Variants in CLYBL observed in about 807,000 individuals in gnomAD.
The protein encoded by CLYBL is citramalyl-CoA lyase, mitochondrial.
A neutral mutation model predicts 38.9 loss-of-function variants in CLYBL; 31 were observed. That is an observed-to-expected ratio of 0.80 (90% CI 0.60 to 1.08). The LOEUF (loss-of-function observed/expected upper bound fraction) is 1.08. Ranked by LOEUF, CLYBL falls within the 50% of genes least tolerant of loss-of-function variation. The probability of loss-of-function intolerance (pLI) is 0.00; values close to 1 mark genes in which losing one functional copy is unlikely to be tolerated. For missense variants in CLYBL, 434 were observed against 411.6 expected, an observed-to-expected ratio of 1.05 and a Z score of -0.47; for synonymous variants, 171 against 158.6, an observed-to-expected ratio of 1.08 and a Z score of -0.59.
chr13:99,727,315 C>T (rs752039873), intron 1 of CLYBL: 3 of 152,016 alleles, frequency 2.0e-5, no homozygotes, highest in Non-Finnish European at 4.4e-5. Flanking sequence ...GTTGCTTTTC[C>T]ACAGAATTGG....
intron 1 of CLYBL, among the ~76,000 whole-genome samples, chr13:99,674,402 G>A (rs778522745): frequency 7.9e-5 from 12 of 151,780 alleles, no homozygotes; most frequent in Non-Finnish European, 1.6e-4. Context: ...TGCCCATCTC[G>A]GCCTCCCAAA....
At chr13:99,610,010 C>T (rs2046601979) in intron 1 of CLYBL, among the ~76,000 whole-genome samples, 1 of 152,214 alleles carries the variant, frequency 6.6e-6, no homozygotes, top group African/African-American at 2.4e-5. Flanking sequence ...TCAAGTGATC[C>T]TCCTGCCTCA....
At chr13:99,709,198 G>A (rs1257935234) in intron 1 of CLYBL, among the ~76,000 whole-genome samples, 2 of 152,152 alleles carry the variant, frequency 1.3e-5, no homozygotes, top group African/African-American at 2.4e-5. Flanking sequence ...GACATGCATA[G>A]AGGGACAATG....
chr13:99,745,700 A>G (rs1028797352), intron 1 of CLYBL, among the ~76,000 whole-genome samples: 2 of 152,204 alleles, frequency 1.3e-5, no homozygotes, highest in Non-Finnish European at 2.9e-5. Context: ...GTCCTATACA[A>G]TCAAAGCCAC....
intron 3 of CLYBL, among the ~76,000 whole-genome samples, chr13:99,860,381 T>C (rs1566357423): frequency 6.6e-6 from 1 of 152,178 alleles, no homozygotes; most frequent in Non-Finnish European, 1.5e-5. Context: ...TGGACAGCTC[T>C]GTGTTGGATC....
chr13:99,782,060 T>G (rs1301028388), intron 2 of CLYBL, among the ~76,000 whole-genome samples: 1 of 152,246 alleles, frequency 6.6e-6, no homozygotes, highest in Non-Finnish European at 1.5e-5. Context: ...TTATATTATC[T>G]TACATATTTT....
rs192327619 is a variant in CLYBL, at chr13:99,872,236, C to T, written c.927+1174C>T. Among the ~76,000 whole-genome samples, 106 of 152,340 alleles carry T rather than the reference C, an allele frequency of 7.0e-4. 1 individual carries two copies. The highest frequency in any genetic ancestry group is 2.3e-3 in the African/African-American group (95 of 41,580). Reference sequence around the variant, plus strand: ...ATCTTTGTACAAACTCACACTTAATCTCCAAAGGCAGAATATATTACGTTG... The same window carrying T: ...ATCTTTGTACAAACTCACACTTAATTTCCAAAGGCAGAATATATTACGTTG... On this transcript the variant is annotated intron_variant, in intron 7 of 8. Transcript: ENST00000339105.
At chr13:99,619,217 A>C (rs2139196983) in intron 1 of CLYBL, among the ~76,000 whole-genome samples, 1 of 152,306 alleles carries the variant, frequency 6.6e-6, no homozygotes, top group Non-Finnish European at 1.5e-5. Flanking sequence ...GCTGTGCCTC[A>C]TGAATGGGTT....
chr13:99,904,851 G>A (rs2052678596), intron 8 of CLYBL, among the ~76,000 whole-genome samples: 1 of 152,168 alleles, frequency 6.6e-6, no homozygotes, highest in African/African-American at 2.4e-5. Flanking sequence ...CCTCCCTGGG[G>A]GTCTCAAGAG....
intron 2 of CLYBL, among the ~76,000 whole-genome samples, chr13:99,797,560 TTGTGTG>T (rs3033584): frequency 4.2e-5 from 6 of 141,812 alleles, no homozygotes; most frequent in Non-Finnish European, 7.5e-5. Flanking sequence ...TGTTAGCTGT[TTGTGTG>T]TGTGTGTGTG....
rs1217436926 is a variant in CLYBL, at chr13:99,866,350, C to T, written c.745C>T (p.Arg249Ter). The T allele has an allele frequency of 7.4e-6, 12 of 1,614,008 alleles. No individual in the cohort carries two copies. Among genetic ancestry groups the T allele is most frequent in the East Asian group, 2.2e-5 (1 of 44,894 alleles). The change falls in exon 6 of 9, where the codon CGA becomes TGA. Residue 249 changes from arginine (R) to a stop codon, truncating the protein, a stop_gained. Coordinates refer to ENST00000339105, the MANE Select transcript of CLYBL (RefSeq NM_206808.5). LOFTEE classifies it high-confidence loss of function. ...CATAGATCTGGTGTACATTGACTTT[C>T]GAGATGGAGCTGGGCTGCTTAGACA... ...QAIDLVYIDF[R>*]DGAGLLRQSR...
At position 99,849,436 on chromosome 13, in the gene CLYBL, C is replaced by T. The variant is rs2051281002; in HGVS notation, c.250-9425C>T. ...GCCAAGGCGAGCGGATTGCTGGGGC[C>T]TAGGAGTTCGAGGCAGCAGTGAGCC... On this transcript the variant is annotated intron_variant, in intron 2 of 8. Coordinates refer to ENST00000339105, the MANE Select transcript of CLYBL (RefSeq NM_206808.5). This position sits in a 1 kb window ranked among gnomAD's most constrained non-coding sequence, Gnocchi z 4.9. Among the ~76,000 whole-genome samples the T allele has an allele frequency of 6.6e-6, 1 of 152,162 alleles. No homozygotes were observed. The highest frequency in any genetic ancestry group is 1.5e-5 in the Non-Finnish European group (1 of 68,026).
rs1300208008 is a variant in CLYBL, at chr13:99,859,061, A to T, written c.438+12A>T. On this transcript the variant is annotated intron_variant, in intron 3 of 8. Coordinates refer to ENST00000339105, the MANE Select transcript of CLYBL (RefSeq NM_206808.5). Reference sequence around the variant, plus strand: ...AAGAAATCCAGTGGGTGAGTAGCTAATGCTTTGCCTTAAGACTCAGGAGCA... The same window carrying T: ...AAGAAATCCAGTGGGTGAGTAGCTATTGCTTTGCCTTAAGACTCAGGAGCA... 6.2e-7 allele frequency: 1 copy of T among 1,607,400 alleles called. No individual in the cohort carries two copies. The highest frequency in any genetic ancestry group is 1.1e-5 in the South Asian group (1 of 89,460).
At chr13:99,728,284 T>TC (rs2048517109) in intron 1 of CLYBL, among the ~76,000 whole-genome samples, 1 of 111,624 alleles carries the variant, frequency 9.0e-6, no homozygotes, top group Admixed American at 9.5e-5. Flanking sequence ...TCTTTTCTTT[T>TC]TTTTTTTTTT....
chr13:99,752,720 T>C lies in CLYBL; in HGVS notation c.63-20104T>C, dbSNP rs576498395. Among the ~76,000 whole-genome samples, 56 of 152,010 alleles carry C rather than the reference T, an allele frequency of 3.7e-4. 1 individual carries two copies. Among genetic ancestry groups the C allele is most frequent in the African/African-American group, 1.4e-3 (56 of 41,408 alleles). On this transcript the variant is annotated intron_variant, in intron 1 of 8. Transcript: ENST00000339105. ...TTCACCGGCTCCCACCTTCTTTGTG[T>C]CACCCCCTCATGGCTCAAAGGCCCC... is the stretch of plus-strand genomic sequence containing the variant.
At chr13:99,632,096 G>A (rs981028849) in intron 1 of CLYBL, among the ~76,000 whole-genome samples, 18 of 152,146 alleles carry the variant, frequency 1.2e-4, no homozygotes, top group African/African-American at 4.1e-4. Context: ...CGATGTTAGA[G>A]GGCAGAGGTA....
At chr13:99,669,420 G>A (rs940885901) in intron 1 of CLYBL, among the ~76,000 whole-genome samples, 1 of 152,184 alleles carries the variant, frequency 6.6e-6, no homozygotes, top group Middle Eastern at 3.4e-3. Context: ...AATTCCACAA[G>A]CACATTATGC....
intron 6 of CLYBL, among the ~76,000 whole-genome samples, chr13:99,867,970 A>G (rs919852336): frequency 1.3e-5 from 2 of 152,322 alleles, no homozygotes. Flanking sequence ...CCCTAATTCA[A>G]TCGCAGAAGA....
chr13:99,613,274 T>G (rs954544611), intron 1 of CLYBL, among the ~76,000 whole-genome samples: 5 of 152,134 alleles, frequency 3.3e-5, no homozygotes, highest in Non-Finnish European at 4.4e-5. Context: ...CTTCACATTT[T>G]GCAGTGCCGT....
Sources: allele counts gnomAD v4.1 joint callset (sites outside exome capture counted in the v4.1 genomes callset), GRCh38; gene constraint gnomAD v4.1.1; non-coding constraint Gnocchi (gnomAD v3.1); transcripts MANE v1.5; gene names NCBI Gene and HGNC (gene_info 2026-07-23, HGNC 2026-07-21).